PITPNC1: variants seen among roughly 807,000 people sequenced by gnomAD.
The protein encoded by PITPNC1 is phosphatidylinositol transfer protein cytoplasmic 1, also known as cytoplasmic phosphatidylinositol transfer protein 1.
In PITPNC1, 18 loss-of-function variants were observed where a neutral mutation model predicts 44.7. The ratio of observed to expected loss-of-function variants is 0.40; its 90% CI spans 0.28 to 0.60. The LOEUF is 0.60. PITPNC1 is among the 20% of genes least tolerant of loss of function. The probability of loss-of-function intolerance (pLI) is 0.39; values close to 1 mark genes in which losing one functional copy is unlikely to be tolerated. For synonymous variants in PITPNC1, 141 were observed against 149.6 expected, an observed-to-expected ratio of 0.94 and a Z score of 0.42; for missense variants, 290 against 418.4, an observed-to-expected ratio of 0.69 and a Z score of 2.68.
chr17:67,488,821 A>G (rs1368605806), intron 1 of PITPNC1, among the ~76,000 whole-genome samples: 1 of 152,190 alleles, frequency 6.6e-6, no homozygotes, highest in Non-Finnish European at 1.5e-5. Flanking sequence ...AGGTACTCAC[A>G]TAAGTAGAAT....
chr17:67,518,190 A>G (rs1484084240), intron 1 of PITPNC1, among the ~76,000 whole-genome samples: 1 of 152,194 alleles, frequency 6.6e-6, no homozygotes, highest in African/African-American at 2.4e-5. Context: ...TCTATAACAA[A>G]TAGAAGTGCT....
intron 4 of PITPNC1, among the ~76,000 whole-genome samples, chr17:67,565,190 G>GT (rs1338756117): frequency 1.3e-5 from 2 of 151,222 alleles, no homozygotes; most frequent in African/African-American, 4.9e-5. Context: ...AGTTTTCCAT[G>GT]TTTTTCAGTG....
chr17:67,521,314 C>G (rs2144107640), intron 1 of PITPNC1, among the ~76,000 whole-genome samples: 1 of 152,252 alleles, frequency 6.6e-6, no homozygotes, highest in South Asian at 2.1e-4. Context: ...GTTGATAACC[C>G]AGCTTCTTAA....
At chr17:67,631,050 G>GTTA (rs201066540) in intron 5 of PITPNC1, among the ~76,000 whole-genome samples, 28,964 of 132,918 alleles carry the variant, frequency 0.22, 3,557 homozygotes, top group Non-Finnish European at 0.27. Context: ...TGTTGTTGTT[G>GTTA]TTGTTATTAT....
At chr17:67,646,282 A>T (rs915130393) in intron 6 of PITPNC1, among the ~76,000 whole-genome samples, 1 of 152,222 alleles carries the variant, frequency 6.6e-6, no homozygotes, top group Non-Finnish European at 1.5e-5. Context: ...ATAAGACCTG[A>T]CAGAGCGATT....
intron 1 of PITPNC1, among the ~76,000 whole-genome samples, chr17:67,530,711 T>G (rs1242183315): frequency 6.6e-6 from 1 of 152,226 alleles, no homozygotes; most frequent in Non-Finnish European, 1.5e-5. Context: ...AAACATTTAT[T>G]TTTTGAGCCC....
intron 4 of PITPNC1, among the ~76,000 whole-genome samples, chr17:67,555,078 G>GA (rs147829877): frequency 0.038 from 5,837 of 152,030 alleles, 212 homozygotes; most frequent in Admixed American, 0.09. Flanking sequence ...CCCTAACTTT[G>GA]AAAAAAGAGG....
In PITPNC1 at chr17:67,681,449, C is replaced by A. The variant is rs112192436; in HGVS notation, c.682+5907C>A. Among the ~76,000 whole-genome samples the A allele has an allele frequency of 8.5e-3, 1,282 of 151,626 alleles. 10 individuals carry two copies. Among genetic ancestry groups the A allele is most frequent in the East Asian group, 0.032 (164 of 5,142 alleles). ...GCAACACAGGGAGACCCCATCTCTACAAAAATTAAAAATTAGCTGGACATG... is the reference window on the plus strand; with the variant it reads ...GCAACACAGGGAGACCCCATCTCTAAAAAAATTAAAAATTAGCTGGACATG... On this transcript the variant is annotated intron_variant, in intron 8 of 8. Coordinates refer to ENST00000581322, the MANE Select transcript of PITPNC1 (RefSeq NM_012417.4).
At chr17:67,620,607 T>C (rs548697667) in intron 5 of PITPNC1, among the ~76,000 whole-genome samples, 1 of 152,290 alleles carries the variant, frequency 6.6e-6, no homozygotes, top group South Asian at 2.1e-4. Context: ...TTCAGTTTGC[T>C]TTACAACTCC....
chr17:67,427,362 A>T (rs1472646244), intron 1 of PITPNC1, among the ~76,000 whole-genome samples: 1 of 151,944 alleles, frequency 6.6e-6, no homozygotes, highest in African/African-American at 2.4e-5. Flanking sequence ...AGGCGCCCGC[A>T]ACCACGCCCG....
At chr17:67,593,441 C>G (rs1212108421) in intron 5 of PITPNC1, among the ~76,000 whole-genome samples, 3 of 151,846 alleles carry the variant, frequency 2.0e-5, no homozygotes, top group Admixed American at 2.0e-4. Context: ...CCTTTGTCAC[C>G]CAGGCTGGAG....
At chr17:67,581,896 G>T (rs1328679400) in intron 5 of PITPNC1, among the ~76,000 whole-genome samples, 1 of 152,166 alleles carries the variant, frequency 6.6e-6, no homozygotes, top group Non-Finnish European at 1.5e-5. Context: ...AGCTGGGCAT[G>T]GTGGCGTGCA....
intron 1 of PITPNC1, among the ~76,000 whole-genome samples, chr17:67,522,781 G>A (rs2040344967): frequency 6.6e-6 from 1 of 150,988 alleles, no homozygotes; most frequent in Non-Finnish European, 1.5e-5. Flanking sequence ...TCCCGCCTCA[G>A]CCTCCCGAGT....
At chr17:67,543,047 A>G (rs575293562) in intron 2 of PITPNC1, among the ~76,000 whole-genome samples, 12 of 152,308 alleles carry the variant, frequency 7.9e-5, no homozygotes, top group Admixed American at 1.3e-4. Context: ...TTTAGCAGTT[A>G]AGGTCCACAG....
chr17:67,567,451 T>G (rs1158910721), intron 4 of PITPNC1, among the ~76,000 whole-genome samples: 1 of 151,508 alleles, frequency 6.6e-6, no homozygotes, highest in Non-Finnish European at 1.5e-5. Flanking sequence ...GCCACTGCAA[T>G]CCAGCCTGGG....
chr17:67,445,048 T>A (rs2039076143), intron 1 of PITPNC1, among the ~76,000 whole-genome samples: 1 of 151,826 alleles, frequency 6.6e-6, no homozygotes, highest in Non-Finnish European at 1.5e-5. Context: ...TGTGGATGAT[T>A]TTAGGGAGGT....
chr17:67,484,343 T>A (rs1185045904), intron 1 of PITPNC1, among the ~76,000 whole-genome samples: 2 of 152,190 alleles, frequency 1.3e-5, no homozygotes, highest in East Asian at 3.8e-4. Flanking sequence ...AAGCTTGAGA[T>A]CATTTATAGC....
chr17:67,524,206 G>A (rs2040366512), intron 1 of PITPNC1, among the ~76,000 whole-genome samples: 3 of 152,154 alleles, frequency 2.0e-5, no homozygotes. Context: ...ACTTTGTGAG[G>A]CTGTGGCGGG....
chr17:67,414,440 C>A (rs1008262269), intron 1 of PITPNC1, among the ~76,000 whole-genome samples: 1 of 151,216 alleles, frequency 6.6e-6, no homozygotes, highest in African/African-American at 2.4e-5. Flanking sequence ...AAAAGCCCCA[C>A]CCCCCCATAT....
Sources: gnomAD v4.1 joint callset for allele counts (sites outside exome capture counted in the v4.1 genomes callset) on GRCh38, gnomAD v4.1.1 for gene constraint, MANE v1.5 for transcripts, NCBI Gene and HGNC (gene_info 2026-07-23, HGNC 2026-07-21) for gene names.